The following CR1 variants were observed in gnomAD, a reference collection of about 807,000 sequenced individuals.
CR1 encodes the protein complement receptor type 1.
A neutral mutation model predicts 187.3 loss-of-function variants in CR1; 116 were observed. The observed-to-expected ratio is 0.62, with a 90% CI of 0.53 to 0.72. The LOEUF (loss-of-function observed/expected upper bound fraction) is 0.72, where lower values mean the gene tolerates loss of function less well. CR1 is among the 30% of genes least tolerant of loss of function. CR1 has a pLI of 0.00. For missense variants in CR1, 1,731 were observed against 2,110.7 expected, an observed-to-expected ratio of 0.82 and a Z score of 3.52; for synonymous variants, 576 against 747.1, an observed-to-expected ratio of 0.77 and a Z score of 3.73.
chr1:207,594,452 A>G lies in CR1; in HGVS notation c.5810+5678A>G, dbSNP rs944651349. ...GGAACATCACACAGTGGGGCCCGTCAGAGGGTAGGAGTCCAGGGGAGGGAT... is the reference window on the plus strand; with the variant it reads ...GGAACATCACACAGTGGGGCCCGTCGGAGGGTAGGAGTCCAGGGGAGGGAT... On this transcript the variant is annotated intron_variant, in intron 35 of 46. Coordinates refer to ENST00000367049, the MANE Select transcript of CR1 (RefSeq NM_000651.6). Among the ~76,000 whole-genome samples the G allele has an allele frequency of 7.9e-5, 12 of 152,254 alleles. No homozygotes were observed. The South Asian group carries it at 1.9e-3, about 24-fold the overall frequency.
At chr1:207,514,141 GA>G (rs1203357097) in intron 4 of CR1, among the ~76,000 whole-genome samples, 5 of 151,980 alleles carry the variant, frequency 3.3e-5, no homozygotes, top group African/African-American at 1.2e-4. Flanking sequence ...GTACATTTTT[GA>G]AAGGCAAATG....
chr1:207,507,774 AT>A (rs2102337731), intron 3 of CR1, among the ~76,000 whole-genome samples: 1 of 152,242 alleles, frequency 6.6e-6, no homozygotes, highest in East Asian at 1.9e-4. Flanking sequence ...CCTTCTTGGC[AT>A]TTATCCAAAG....
At chr1:207,570,353 GT>G (rs1346896803) in intron 27 of CR1, 4 of 46,388 alleles carry the variant, frequency 8.6e-5, no homozygotes, top group South Asian at 1.5e-3. Flanking sequence ...GGCCTTCCTC[GT>G]TTTATTGTAC....
chr1:207,573,155 G>C (rs1052790640), intron 27 of CR1, among the ~76,000 whole-genome samples: 3 of 152,020 alleles, frequency 2.0e-5, no homozygotes, highest in Non-Finnish European at 4.4e-5. Context: ...CACAGCACAC[G>C]GTCCAGCTGT....
rs1661063882 is a variant in CR1 at position 207,584,847 on chromosome 1, C to T, written c.5501C>T (p.Ala1834Val). Reference protein sequence around the residue: ...PHGNGVWSSPAPRCELSVRAG... With the variant: ...PHGNGVWSSPVPRCELSVRAG... ...GGGAATGGGGTTTGGAGCAGCCCTG[C>T]CCCTCGCTGTGAACTTTCTGTTCGT... Residue 1834 changes from alanine (A) to valine (V), a missense_variant, in exon 33 of 47, where the codon GCC becomes GTC. Physicochemically the swap from Ala to Val is moderately conservative, Grantham distance 64 (BLOSUM62 0). This residue lies in a region of CR1 where 1,312 missense variants were observed against 1,379.6 expected (regional missense o/e 0.95). Coordinates refer to ENST00000367049, the MANE Select transcript of CR1 (RefSeq NM_000651.6). 1 of 1,613,924 alleles carries T rather than the reference C, an allele frequency of 6.2e-7. No homozygotes were observed. Among genetic ancestry groups the T allele is most frequent in the Admixed American group, 1.7e-5 (1 of 60,014 alleles).
intron 46 of CR1, among the ~76,000 whole-genome samples, chr1:207,637,547 A>C (rs376580337): frequency 6.6e-6 from 1 of 151,560 alleles, no homozygotes; most frequent in East Asian, 1.9e-4. Context: ...TGATAAGTGA[A>C]TCTACTGATG....
At position 207,584,729 on chromosome 1, in the gene CR1, G is replaced by A; in HGVS notation, c.5383G>A (p.Glu1795Lys). ...TPSGDIPYGKEISYTCDPHPD... is the reference protein window; with the variant it reads ...TPSGDIPYGKKISYTCDPHPD... ...CTCTGGAGATATTCCCTATGGAAAA[G>A]AAATATCTTACACATGTGACCCCCA... is the stretch of plus-strand genomic sequence containing the variant. Residue 1795 changes from glutamate to lysine, a missense_variant, in exon 33 of 47, where the codon GAA (glutamate) becomes AAA (lysine). This residue lies in a region of CR1 where 1,312 missense variants were observed against 1,379.6 expected (regional missense o/e 0.95). Transcript: ENST00000367049. The A allele has an allele frequency of 6.2e-7, 1 of 1,613,802 alleles. No individual in the cohort carries two copies. The highest frequency in any genetic ancestry group is 8.5e-7 in the Non-Finnish European group (1 of 1,179,758).
intron 4 of CR1, among the ~76,000 whole-genome samples, chr1:207,513,447 T>C (rs1025315176): frequency 6.6e-6 from 1 of 152,168 alleles, no homozygotes; most frequent in Non-Finnish European, 1.5e-5. Context: ...CTCAAGCCTC[T>C]GGTAAAAGGT....
intron 45 of CR1, among the ~76,000 whole-genome samples, chr1:207,629,059 G>T (rs908195478): frequency 6.6e-6 from 1 of 152,046 alleles, no homozygotes; most frequent in African/African-American, 2.4e-5. Context: ...ACAATAATTT[G>T]TGATAATGTT....
intron 28 of CR1, among the ~76,000 whole-genome samples, chr1:207,577,358 A>G (rs1660784204): frequency 2.6e-5 from 4 of 152,368 alleles, no homozygotes; most frequent in African/African-American, 2.4e-5. Context: ...TTTTAAAACT[A>G]TAAGAACATG....
chr1:207,602,174 A>C (rs1470242163), intron 35 of CR1, among the ~76,000 whole-genome samples: 2 of 152,176 alleles, frequency 1.3e-5, no homozygotes, highest in Admixed American at 1.3e-4. Context: ...AACCACCACA[A>C]AGAAGCACCT....
At chr1:207,504,080 G>A (rs1036631784) in intron 1 of CR1, among the ~76,000 whole-genome samples, 1 of 152,194 alleles carries the variant, frequency 6.6e-6, no homozygotes, top group Non-Finnish European at 1.5e-5. Context: ...TAGCTAAGAG[G>A]GGAAAGGCAT....
chr1:207,609,518 C>G lies in CR1; in HGVS notation c.6125C>G (p.Thr2042Arg). ...PPRCISTNKC[T>R]APEVENAIRV... ...CGGTGTATTTCTACTAATAAATGCA[C>G]AGCTCCAGAAGTTGAAAATGCAATT... The change falls in exon 37 of 47, where the codon ACA (threonine) becomes AGA (arginine). Residue 2042 changes from threonine to arginine, a missense_variant. Physicochemically the swap from Thr to Arg is moderately conservative, Grantham distance 71. Around this residue, in one of 5 missense-constraint regions of CR1, gnomAD observed 1,312 missense variants for 1,379.6 expected, o/e 0.95. Coordinates refer to ENST00000367049, the MANE Select transcript of CR1 (RefSeq NM_000651.6). 6.2e-7 allele frequency: 1 copy of G among 1,613,946 alleles called. No homozygotes were observed. The highest frequency in any genetic ancestry group is 8.5e-7 in the Non-Finnish European group (1 of 1,179,862).
chr1:207,623,587 AACACACACACAC>A (rs55918544), intron 45 of CR1, among the ~76,000 whole-genome samples: 8,434 of 144,176 alleles, frequency 0.058, 718 homozygotes, highest in African/African-American at 0.19. Context: ...TACATCTCAA[AACACACACACAC>A]ACACACACAC....
intron 46 of CR1, among the ~76,000 whole-genome samples, chr1:207,633,129 T>A (rs1662701641): frequency 6.6e-6 from 1 of 152,234 alleles, no homozygotes; most frequent in African/African-American, 2.4e-5. Flanking sequence ...CCTTTCTTTC[T>A]ATCTAAATTC....
At chr1:207,522,382 C>T (rs1660025476) in intron 4 of CR1, among the ~76,000 whole-genome samples, 1 of 152,226 alleles carries the variant, frequency 6.6e-6, no homozygotes, top group African/African-American at 2.4e-5. Context: ...GGCCTCAGAA[C>T]ACATCAGAAG....
At chr1:207,584,063 C>G (rs1661037142) in intron 32 of CR1, among the ~76,000 whole-genome samples, 1 of 152,036 alleles carries the variant, frequency 6.6e-6, no homozygotes, top group African/African-American at 2.4e-5. Context: ...ATTCTTGAGC[C>G]TTTTGAAACA....
intron 5 of CR1, among the ~76,000 whole-genome samples, chr1:207,524,310 C>G (rs1189592544): frequency 1.3e-5 from 2 of 152,024 alleles, no homozygotes; most frequent in African/African-American, 2.4e-5. Flanking sequence ...TGGCCGGGCA[C>G]TATAATACAG....
In CR1 at chr1:207,518,805, C is replaced by T. The variant is rs558940957; in HGVS notation, c.488-4806C>T. Among the ~76,000 whole-genome samples the T allele has an allele frequency of 5.3e-5, 8 of 152,242 alleles. No homozygotes were observed. In the South Asian group the frequency reaches 1.2e-3, roughly 24 times the overall value. On this transcript the variant is annotated intron_variant, in intron 4 of 46. Coordinates refer to ENST00000367049, the MANE Select transcript of CR1 (RefSeq NM_000651.6). ...CTGGCAATCCAGAATGGTCACAGCT[C>T]GAGATCATTAACGTGATTGTATCTA... is the stretch of plus-strand genomic sequence containing the variant.
Sources: allele counts gnomAD v4.1 joint callset (sites outside exome capture counted in the v4.1 genomes callset), GRCh38; gene constraint gnomAD v4.1.1; regional missense constraint gnomAD v4.1.1; transcripts MANE v1.5; gene names NCBI Gene and HGNC (gene_info 2026-07-23, HGNC 2026-07-21).